Variants in VCL observed in about 807,000 individuals in gnomAD.
VCL encodes epididymis luminal protein 114.
Under a neutral mutation model 125.7 loss-of-function variants are expected in VCL, and 47 were observed. The ratio of observed to expected loss-of-function variants is 0.37; its 90% CI spans 0.30 to 0.48. The LOEUF (loss-of-function observed/expected upper bound fraction) is 0.48. VCL is among the 20% of genes least tolerant of loss of function. The pLI is 0.99. For missense variants in VCL, 1,069 were observed against 1,455.5 expected (o/e 0.73, Z 4.32); for synonymous variants, 458 against 514.6 (o/e 0.89, Z 1.49).
At chr10:74,062,240 T>G (rs901193374) in intron 2 of VCL, among the ~76,000 whole-genome samples, 9 of 151,786 alleles carry the variant, frequency 5.9e-5, no homozygotes, top group African/African-American at 1.9e-4. Context: ...TAATTTTTTA[T>G]TTTTTGTAAA....
At chr10:74,019,785 C>T (rs539560137) in intron 1 of VCL, among the ~76,000 whole-genome samples, 10 of 152,170 alleles carry the variant, frequency 6.6e-5, no homozygotes, top group South Asian at 4.1e-4. Flanking sequence ...CTAATTGGCC[C>T]GGTGTGATGG....
chr10:74,113,112 T>C (rs934093872), intron 19 of VCL, among the ~76,000 whole-genome samples: 1 of 152,204 alleles, frequency 6.6e-6, no homozygotes, highest in Non-Finnish European at 1.5e-5. Flanking sequence ...ATGGTTTGTG[T>C]ATGCCTCACT....
intron 12 of VCL, among the ~76,000 whole-genome samples, chr10:74,096,840 C>T (rs544627849): frequency 5.3e-5 from 8 of 152,358 alleles, no homozygotes; most frequent in Admixed American, 3.9e-4. Context: ...TATCAGGCCC[C>T]GCCAGCACTG....
At chr10:74,107,647 T>A (rs946280816) in intron 17 of VCL, among the ~76,000 whole-genome samples, 1 of 152,042 alleles carries the variant, frequency 6.6e-6, no homozygotes, top group Non-Finnish European at 1.5e-5. Flanking sequence ...GTGGATGTGA[T>A]GAGTGATGAG....
At chr10:74,009,564 T>A (rs1312898025) in intron 1 of VCL, among the ~76,000 whole-genome samples, 1 of 151,744 alleles carries the variant, frequency 6.6e-6, no homozygotes, top group Non-Finnish European at 1.5e-5. Flanking sequence ...CGGCTTTAAT[T>A]CTGTTTCTAT....
At position 74,105,260 on chromosome 10, in the gene VCL, G is replaced by A. The variant is rs1185021423; in HGVS notation, c.2341G>A (p.Glu781Lys). The A allele has an allele frequency of 1.2e-6, 2 of 1,614,048 alleles. No homozygotes were observed. Among genetic ancestry groups the A allele is most frequent in the South Asian group, 1.1e-5 (1 of 91,078 alleles). The change falls in exon 16 of 22, where the codon GAG becomes AAG. Residue 781 changes from glutamate to lysine, a missense_variant. Glu to Lys is a moderately conservative substitution (Grantham distance 56). This residue lies in a region of VCL where 760 missense variants were observed against 928.9 expected (regional missense o/e 0.82). Transcript: ENST00000211998. ...GAATTCCGAGGATCCCAAGTTCCGT[G>A]AGGCTGTGAAAGCTGCCTCTGATGA... is the stretch of plus-strand genomic sequence containing the variant. Reference protein sequence around the residue: ...VENSEDPKFREAVKAASDELS... With the variant: ...VENSEDPKFRKAVKAASDELS...
intron 1 of VCL, among the ~76,000 whole-genome samples, chr10:74,040,532 C>G (rs1841076226): frequency 3.3e-5 from 5 of 152,166 alleles, no homozygotes; most frequent in Admixed American, 3.3e-4. Flanking sequence ...TGTGGCTGAA[C>G]TTCATCTTTT....
intron 21 of VCL, among the ~76,000 whole-genome samples, chr10:74,115,111 A>G (rs111508158): frequency 2.8e-4 from 43 of 152,236 alleles, no homozygotes; most frequent in African/African-American, 1.0e-3. Flanking sequence ...ACATGCAGGT[A>G]ATCCCAGCAC....
chr10:74,083,583 A>G, intron 8 of VCL, 70 bp downstream of exon 8: 2 of 1,579,050 alleles, frequency 1.3e-6, no homozygotes, highest in Non-Finnish European at 1.7e-6. Context: ...TCAGAAAACA[A>G]GCCTCTGCCA....
chr10:74,098,247 T>G (rs187039242), intron 13 of VCL, among the ~76,000 whole-genome samples: 1 of 152,368 alleles, frequency 6.6e-6, no homozygotes, highest in East Asian at 1.9e-4. Context: ...ACTGTCTTTC[T>G]TCAGCTTTCT....
chr10:74,089,278 A>G lies in VCL; in HGVS notation c.1105A>G (p.Asn369Asp), dbSNP rs1421516056. The G allele has an allele frequency of 6.2e-7, 1 of 1,614,078 alleles. No individual in the cohort carries two copies. Among genetic ancestry groups the G allele is most frequent in the Non-Finnish European group, 8.5e-7 (1 of 1,180,040 alleles). ...GGATGTGCTCACAGCAAAAGTGGAAAATGCAGCTCGCAAGCTGGAAGCCAT... is the reference window on the plus strand; with the variant it reads ...GGATGTGCTCACAGCAAAAGTGGAAGATGCAGCTCGCAAGCTGGAAGCCAT... ...GLDVLTAKVENAARKLEAMTN... is the reference protein window; with the variant it reads ...GLDVLTAKVEDAARKLEAMTN... Residue 369 changes from asparagine to aspartate, a missense_variant, in exon 9 of 22, where the codon AAT becomes GAT. Transcript: ENST00000211998.
intron 1 of VCL, 143 bp downstream of exon 1, chr10:73,998,518 C>T: frequency 1.2e-6 from 1 of 814,138 alleles, no homozygotes. Flanking sequence ...TTCGAATGGC[C>T]TCTTCTCCGC....
At chr10:74,099,004 A>G (rs1840011158) in intron 13 of VCL, among the ~76,000 whole-genome samples, 1 of 152,116 alleles carries the variant, frequency 6.6e-6, no homozygotes, top group Non-Finnish European at 1.5e-5. Flanking sequence ...CACTCATTTA[A>G]TCTCACATCC....
chr10:74,076,776 C>T (rs1416946904), intron 6 of VCL: 1 of 152,646 alleles, frequency 6.6e-6, no homozygotes, highest in African/African-American at 2.4e-5. Context: ...CTGTAGTTCT[C>T]CATGACCTCA....
intron 13 of VCL, among the ~76,000 whole-genome samples, chr10:74,098,847 G>A (rs1156720342): frequency 1.3e-5 from 2 of 152,124 alleles, no homozygotes; most frequent in South Asian, 2.1e-4. Context: ...TTTCAGGCTA[G>A]TAGATACATC....
intron 2 of VCL, among the ~76,000 whole-genome samples, chr10:74,052,949 AT>A (rs5786132): frequency 0.051 from 5,206 of 102,632 alleles, 299 homozygotes; most frequent in African/African-American, 0.18. Context: ...AAAAAAAAAT[AT>A]ATATATATAT....
intron 1 of VCL, among the ~76,000 whole-genome samples, chr10:74,000,236 C>T (rs892294417): frequency 2.7e-5 from 4 of 148,386 alleles, no homozygotes; most frequent in African/African-American, 9.9e-5. Flanking sequence ...CCAGCTCCCA[C>T]GGGTCAAGGC....
chr10:74,054,814 G>A (rs1300286809), intron 2 of VCL, among the ~76,000 whole-genome samples: 7 of 151,964 alleles, frequency 4.6e-5, no homozygotes, highest in Non-Finnish European at 8.8e-5. Context: ...CCAGCTACTC[G>A]GGTGACTGAG....
chr10:74,001,707 A>G (rs1348036582), intron 1 of VCL, among the ~76,000 whole-genome samples: 5 of 152,184 alleles, frequency 3.3e-5, no homozygotes, highest in Admixed American at 1.3e-4. Flanking sequence ...ATTTGCTAGA[A>G]AAGAAACATA....
Sources: allele counts gnomAD v4.1 joint callset (sites outside exome capture counted in the v4.1 genomes callset), GRCh38; gene constraint gnomAD v4.1.1; regional missense constraint gnomAD v4.1.1; transcripts MANE v1.5; gene names NCBI Gene and HGNC (gene_info 2026-07-23, HGNC 2026-07-21).